RNF180: variants seen among roughly 807,000 people sequenced by gnomAD.
The protein encoded by RNF180 is ring finger protein 180, also known as E3 ubiquitin-protein ligase RNF180.
Under a neutral mutation model 59.2 loss-of-function variants are expected in RNF180, and 38 were observed. That is an observed-to-expected ratio of 0.64 (90% CI 0.50 to 0.84). The LOEUF is 0.84. Ranked by LOEUF, RNF180 falls within the 40% of genes least tolerant of loss-of-function variation. The pLI is 0.00. For missense variants in RNF180, 705 were observed against 700.9 expected (o/e 1.01, Z -0.07); for synonymous variants, 262 against 240.3 (o/e 1.09, Z -0.84).
At chr5:64,361,758 G>A (rs1170648488) in intron 7 of RNF180, among the ~76,000 whole-genome samples, 1 of 151,498 alleles carries the variant, frequency 6.6e-6, no homozygotes, top group Non-Finnish European at 1.5e-5. Context: ...AATTCCTGAT[G>A]CAGAAGCTTC....
In RNF180 at chr5:64,371,298, C is replaced by G. The variant is rs944758480; in HGVS notation, c.*1484C>G. On this transcript the variant is annotated 3_prime_UTR_variant, in exon 8 of 8. Transcript: ENST00000389100. The stretch of plus-strand genomic sequence containing the variant: ...TGGATATTTATAATTACTAATTGCT[C>G]AAAGTAAACATAAGGGAAAATATCA... The G allele has an allele frequency of 6.6e-6, 1 of 151,416 alleles. No individual in the cohort carries two copies. Among genetic ancestry groups the G allele is most frequent in the African/African-American group, 2.4e-5 (1 of 41,326 alleles). The allele number at this position is 151,416 out of a possible 1,614,324, so 9.4% of individuals were successfully genotyped here. A position where few individuals can be genotyped will look rare whatever the true frequency, so the allele number is the denominator to read the frequency against.
At chr5:64,167,863 A>T (rs72769822) in intron 1 of RNF180, among the ~76,000 whole-genome samples, 391 of 152,312 alleles carry the variant, frequency 2.6e-3, no homozygotes, top group Non-Finnish European at 4.6e-3. Flanking sequence ...AAGAATGGTG[A>T]TGTGTCCTTT....
intron 1 of RNF180, among the ~76,000 whole-genome samples, chr5:64,170,296 CTT>C (rs1262396387): frequency 1.3e-5 from 2 of 152,206 alleles, no homozygotes; most frequent in Non-Finnish European, 2.9e-5. Context: ...ACAATCCTGT[CTT>C]ATGATACACT....
At chr5:64,183,440 C>CTT (rs1750712359) in intron 1 of RNF180, among the ~76,000 whole-genome samples, 1 of 130,186 alleles carries the variant, frequency 7.7e-6, no homozygotes, top group African/African-American at 3.2e-5. Flanking sequence ...AGAAAGTATA[C>CTT]CTTTTTTTTT....
intron 5 of RNF180, among the ~76,000 whole-genome samples, chr5:64,225,290 C>A (rs866297032): frequency 6.6e-6 from 1 of 152,088 alleles, no homozygotes; most frequent in African/African-American, 2.4e-5. Flanking sequence ...ACATTTGGCC[C>A]GGCCGCCCCG....
chr5:64,345,413 T>C (rs1463260474), intron 7 of RNF180, among the ~76,000 whole-genome samples: 1 of 152,224 alleles, frequency 6.6e-6, no homozygotes, highest in African/African-American at 2.4e-5. Flanking sequence ...TAACTATCCA[T>C]AGGGGTATTT....
At chr5:64,336,437 C>T (rs1170088225) in intron 7 of RNF180, among the ~76,000 whole-genome samples, 1 of 152,170 alleles carries the variant, frequency 6.6e-6, no homozygotes, top group Non-Finnish European at 1.5e-5. Context: ...AATAAAAACA[C>T]TCTAATGAAT....
intron 1 of RNF180, among the ~76,000 whole-genome samples, chr5:64,198,961 A>G (rs770672458): frequency 7.9e-5 from 12 of 152,036 alleles, no homozygotes; most frequent in Admixed American, 2.0e-4. Flanking sequence ...GACTACAGGC[A>G]TGTTGCCACC....
intron 5 of RNF180, among the ~76,000 whole-genome samples, chr5:64,271,267 A>C (rs10471295): frequency 0.26 from 39,607 of 151,992 alleles, 5,304 homozygotes; most frequent in Middle Eastern, 0.32. Context: ...ATTTTAATTA[A>C]ACTGAACCCT....
At chr5:64,341,433 T>A (rs1018278533) in intron 7 of RNF180, among the ~76,000 whole-genome samples, 2 of 152,204 alleles carry the variant, frequency 1.3e-5, no homozygotes, top group Non-Finnish European at 2.9e-5. Flanking sequence ...TTGATATCAA[T>A]AAATGGTGTC....
At chr5:64,207,102 C>A (rs144742773) in intron 2 of RNF180, among the ~76,000 whole-genome samples, 1 of 151,538 alleles carries the variant, frequency 6.6e-6, no homozygotes, top group Non-Finnish European at 1.5e-5. Context: ...TAAATGTATT[C>A]TAATTATATT....
In RNF180 at chr5:64,316,819, ATTG is replaced by A. The variant is rs758748587; in HGVS notation, c.1228-8361_1228-8359del. Among the ~76,000 whole-genome samples the A allele has an allele frequency of 5.9e-5, 9 of 152,266 alleles. No individual in the cohort carries two copies. In the East Asian group the frequency reaches 1.2e-3, roughly 20 times the overall value. On this transcript the variant is annotated intron_variant, in intron 5 of 7. Transcript: ENST00000389100. ...GTATATTTCTGTAATCCAAGAGAAT[ATTG>A]TTGTTTATTAATTTTGCACTGAAAT...
At chr5:64,367,154 C>A (rs973628372) in intron 7 of RNF180, among the ~76,000 whole-genome samples, 3 of 151,520 alleles carry the variant, frequency 2.0e-5, no homozygotes, top group Non-Finnish European at 4.4e-5. Context: ...AATGCCTTTT[C>A]CAGACAAGGA....
At position 64,200,814 on chromosome 5, in the gene RNF180, A is replaced by C. The variant is rs748191293; in HGVS notation, c.7A>C (p.Arg3=). 6.2e-7 allele frequency: 1 copy of C among 1,611,642 alleles called. No homozygotes were observed. The highest frequency in any genetic ancestry group is 8.5e-7 in the Non-Finnish European group (1 of 1,178,484). ...TGCACTAATGTTTCCGCAGATGAAAAGAAGCAAAGAATTGATAACTAAAAA... is the reference window on the plus strand; with the variant it reads ...TGCACTAATGTTTCCGCAGATGAAACGAAGCAAAGAATTGATAACTAAAAA... MK[R]SKELITKNHS... Residue 3 remains arginine (R), a synonymous_variant, in exon 2 of 8, where the codon AGA becomes CGA. Coordinates refer to ENST00000389100, the MANE Select transcript of RNF180 (RefSeq NM_001113561.2).
intron 5 of RNF180, among the ~76,000 whole-genome samples, chr5:64,312,936 G>A (rs917499418): frequency 6.6e-6 from 1 of 152,058 alleles, no homozygotes; most frequent in Non-Finnish European, 1.5e-5. Flanking sequence ...CTATAAAATG[G>A]TACTATATCT....
In RNF180 at chr5:64,224,704, C is replaced by A. The variant is rs566343721; in HGVS notation, c.1227+7308C>A. ...TGTCAGTTGGGAGGTAGGAGAACAG[C>A]AAAGATGCATGCTGTCTTTCCCAAG... On this transcript the variant is annotated intron_variant, in intron 5 of 7. Transcript: ENST00000389100. Among the ~76,000 whole-genome samples, 54 of 152,296 alleles carry A rather than the reference C, an allele frequency of 3.5e-4. No homozygotes were observed. The South Asian group carries it at 8.9e-3, about 25-fold the overall frequency.
intron 1 of RNF180, among the ~76,000 whole-genome samples, chr5:64,191,995 A>AT (rs34972214): frequency 1.8e-4 from 27 of 151,574 alleles, no homozygotes; most frequent in Non-Finnish European, 2.8e-4. Flanking sequence ...GTCCAATTTT[A>AT]TTTTTTTTGC....
intron 5 of RNF180, among the ~76,000 whole-genome samples, chr5:64,269,131 GAT>G (rs1744858676): frequency 6.6e-6 from 1 of 152,050 alleles, no homozygotes; most frequent in Admixed American, 6.6e-5. Context: ...TCCATCCAAT[GAT>G]ACATTGTTAA....
chr5:64,318,353 A>G (rs1233237066), intron 5 of RNF180, among the ~76,000 whole-genome samples: 10 of 152,206 alleles, frequency 6.6e-5, no homozygotes, highest in Non-Finnish European at 1.3e-4. Context: ...AGTATATACA[A>G]AGTGGATATA....
Sources: allele counts gnomAD v4.1 joint callset (sites outside exome capture counted in the v4.1 genomes callset), GRCh38; gene constraint gnomAD v4.1.1; transcripts MANE v1.5; gene names NCBI Gene and HGNC (gene_info 2026-07-23, HGNC 2026-07-21).